CNBD1: variants seen among roughly 807,000 people sequenced by gnomAD.
CNBD1 encodes the protein cyclic nucleotide binding domain containing 1.
Under a neutral mutation model 54.4 loss-of-function variants are expected in CNBD1, and 71 were observed. That is an observed-to-expected ratio of 1.30 (90% CI 1.08 to 1.59). The LOEUF is 1.59. Ranked by LOEUF, CNBD1 falls within the 40% of genes most tolerant of loss-of-function variation. The pLI is 0.00. For missense variants in CNBD1, 659 were observed against 518.0 expected, an observed-to-expected ratio of 1.27 and a Z score of -2.64; for synonymous variants, 182 against 170.7, an observed-to-expected ratio of 1.07 and a Z score of -0.51.
chr8:87,074,238 C>T (rs1451117295), intron 4 of CNBD1, among the ~76,000 whole-genome samples: 1 of 151,950 alleles, frequency 6.6e-6, no homozygotes, highest in Non-Finnish European at 1.5e-5. Context: ...ACTGAGTTGA[C>T]CAAACCACAG....
intron 1 of CNBD1, among the ~76,000 whole-genome samples, chr8:86,879,789 G>A (rs536640040): frequency 3.3e-5 from 5 of 151,990 alleles, no homozygotes; most frequent in African/African-American, 7.2e-5. Context: ...GGAGAATGAC[G>A]TTAACCCAGG....
At chr8:86,905,054 C>A (rs979107677) in intron 2 of CNBD1, 27 bp from the exon 3 acceptor site, 4 of 1,406,460 alleles carry the variant, frequency 2.8e-6, no homozygotes, top group South Asian at 1.2e-5. Context: ...ATGACACTTA[C>A]AATTTAATTT....
intron 10 of CNBD1, among the ~76,000 whole-genome samples, chr8:87,360,560 G>A (rs901899680): frequency 6.6e-6 from 1 of 151,774 alleles, no homozygotes; most frequent in Non-Finnish European, 1.5e-5. Context: ...GTCATTTAAG[G>A]TAAAGATAAT....
Position 87,225,152 on chromosome 8 carries a change from A to G in CNBD1, c.578-11767A>G, listed in dbSNP as rs1366822882. Among the ~76,000 whole-genome samples, 39 of 150,000 alleles carry G rather than the reference A, an allele frequency of 2.6e-4. 1 individual carries two copies. The highest frequency in any genetic ancestry group is 2.1e-3 in the Admixed American group (32 of 15,034). On this transcript the variant is annotated intron_variant, in intron 5 of 10. Transcript: ENST00000518476. The stretch of plus-strand genomic sequence containing the variant: ...CTTAAGGAGATTTTGGGCTGAGACA[A>G]TGGGGTTTTCTAGATATACAATCAT...
chr8:87,144,800 A>G (rs1812448147), intron 4 of CNBD1, among the ~76,000 whole-genome samples: 1 of 149,128 alleles, frequency 6.7e-6, no homozygotes, highest in South Asian at 2.1e-4. Context: ...AGCCTGGGCA[A>G]GGAGAGCGAA....
chr8:87,042,951 G>A (rs1307925065), intron 4 of CNBD1, among the ~76,000 whole-genome samples: 1 of 152,118 alleles, frequency 6.6e-6, no homozygotes, highest in East Asian at 1.9e-4. Flanking sequence ...TGCTGTGTGT[G>A]TTGTTGTGGG....
chr8:87,268,016 G>A (rs1430620760), intron 6 of CNBD1, among the ~76,000 whole-genome samples: 1 of 152,022 alleles, frequency 6.6e-6, no homozygotes, highest in East Asian at 1.9e-4. Flanking sequence ...CAGGCAAATT[G>A]CGTGTTGCTG....
intron 8 of CNBD1, among the ~76,000 whole-genome samples, chr8:87,299,598 G>A (rs1259173692): frequency 2.0e-5 from 3 of 152,152 alleles, no homozygotes; most frequent in Non-Finnish European, 4.4e-5. Context: ...ATTTTGGATT[G>A]TTAATTTGAT....
At chr8:87,038,630 T>G (rs2130605775) in intron 4 of CNBD1, among the ~76,000 whole-genome samples, 1 of 152,302 alleles carries the variant, frequency 6.6e-6, no homozygotes, top group Admixed American at 6.5e-5. Context: ...TGGCTGGTAA[T>G]TGTATTCAGG....
chr8:87,418,538 C>T (rs749761576), intron 2 of CNBD1, among the ~76,000 whole-genome samples: 3 of 151,720 alleles, frequency 2.0e-5, no homozygotes, highest in African/African-American at 7.3e-5. Flanking sequence ...AAAACTTTTA[C>T]GTTTCAAAGG....
chr8:87,337,767 T>C (rs543660703), intron 8 of CNBD1, among the ~76,000 whole-genome samples: 15 of 152,352 alleles, frequency 9.8e-5, no homozygotes, highest in African/African-American at 3.4e-4. Context: ...CACAGTGTTC[T>C]TTCTTCCTCT....
At chr8:87,274,025 G>T (rs971016806) in intron 6 of CNBD1, among the ~76,000 whole-genome samples, 5 of 150,030 alleles carry the variant, frequency 3.3e-5, no homozygotes, top group African/African-American at 1.2e-4. Context: ...GCGGTGTTTG[G>T]TTTTTTGTTC....
At chr8:87,261,629 GA>G (rs1808142666) in intron 6 of CNBD1, among the ~76,000 whole-genome samples, 1 of 151,732 alleles carries the variant, frequency 6.6e-6, no homozygotes, top group South Asian at 2.1e-4. Flanking sequence ...TATTTGAACA[GA>G]ATTTGAACAC....
chr8:86,940,674 A>G (rs1447997124), intron 4 of CNBD1, among the ~76,000 whole-genome samples: 1 of 152,188 alleles, frequency 6.6e-6, no homozygotes, highest in Non-Finnish European at 1.5e-5. Flanking sequence ...TTAAACTTGT[A>G]AGCTGAAAAA....
At chr8:87,232,622 AAT>A (rs1807468148) in intron 5 of CNBD1, among the ~76,000 whole-genome samples, 1 of 152,152 alleles carries the variant, frequency 6.6e-6, no homozygotes. Flanking sequence ...AAAATTAAAA[AAT>A]AAATTTAGCT....
chr8:87,131,103 T>G (rs1294139385), intron 4 of CNBD1, among the ~76,000 whole-genome samples: 1 of 148,958 alleles, frequency 6.7e-6, no homozygotes, highest in Non-Finnish European at 1.5e-5. Context: ...TCTTGCAGAA[T>G]AGTTATGTCT....
chr8:87,375,333 G>T (rs75579800), intron 10 of CNBD1, among the ~76,000 whole-genome samples: 4 of 151,768 alleles, frequency 2.6e-5, no homozygotes, highest in Admixed American at 1.3e-4. Flanking sequence ...ACAGAGAGAG[G>T]TAAGTGGAAT....
intron 3 of CNBD1, among the ~76,000 whole-genome samples, chr8:86,933,920 TTAATCCATAAA>T (rs1586144789): frequency 1.3e-5 from 2 of 152,144 alleles, no homozygotes; most frequent in East Asian, 3.8e-4. Flanking sequence ...GGAATAAAAA[TTAATCCATAAA>T]TAATTGGATG....
chr8:87,161,322 A>G (rs1812853195), intron 4 of CNBD1, among the ~76,000 whole-genome samples: 1 of 152,164 alleles, frequency 6.6e-6, no homozygotes, highest in Non-Finnish European at 1.5e-5. Flanking sequence ...GAATGGCAAG[A>G]ACTTACAATC....
Sources: allele counts gnomAD v4.1 joint callset (sites outside exome capture counted in the v4.1 genomes callset), GRCh38; gene constraint gnomAD v4.1.1; transcripts MANE v1.5; gene names NCBI Gene and HGNC (gene_info 2026-07-23, HGNC 2026-07-21).